Variants in SGIP1 observed in about 807,000 individuals in gnomAD.
SGIP1 encodes the protein SH3-containing GRB2-like protein 3-interacting protein 1.
SGIP1 carries 38 observed loss-of-function variants against 107.5 expected under a neutral mutation model. The observed-to-expected ratio is 0.35, with a 90% CI of 0.27 to 0.46. The LOEUF is 0.46. Among genes scored for constraint, SGIP1 ranks in the 20% least tolerant of loss-of-function variants. The pLI, the probability that SGIP1 is intolerant of heterozygous loss-of-function variation, is 1.00. For synonymous variants in SGIP1, 365 were observed against 366.1 expected (o/e 1.00, Z 0.03); for missense variants, 929 against 1,019.5 (o/e 0.91, Z 1.21).
At chr1:66,617,081 G>T (rs768582150) in intron 1 of SGIP1, among the ~76,000 whole-genome samples, 31 of 152,190 alleles carry the variant, frequency 2.0e-4, no homozygotes, top group Non-Finnish European at 3.1e-4. Context: ...TTTAAGTCAA[G>T]TAGAAATGTA....
At chr1:66,702,418 T>C (rs2092025401) in intron 18 of SGIP1, among the ~76,000 whole-genome samples, 1 of 152,246 alleles carries the variant, frequency 6.6e-6, no homozygotes, top group South Asian at 2.1e-4. Context: ...GTCTCTGTTC[T>C]ATCATTTTTA....
At chr1:66,639,522 C>A (rs1488707974) in intron 4 of SGIP1, among the ~76,000 whole-genome samples, 1 of 152,170 alleles carries the variant, frequency 6.6e-6, no homozygotes, top group Non-Finnish European at 1.5e-5. Flanking sequence ...AACAGTTCAT[C>A]GTTAATATCC....
At chr1:66,680,885 G>T (rs1232990515) in intron 14 of SGIP1, among the ~76,000 whole-genome samples, 1 of 152,176 alleles carries the variant, frequency 6.6e-6, no homozygotes, top group African/African-American at 2.4e-5. Context: ...GTAGCAATTT[G>T]TAATGTGAAT....
chr1:66,672,064 C>T (rs563764564), intron 11 of SGIP1, 69 bp downstream of exon 11: 2 of 1,446,292 alleles, frequency 1.4e-6, no homozygotes, highest in South Asian at 2.4e-5. Flanking sequence ...AAGCAAATCT[C>T]CTTTGAGCTA....
At chr1:66,538,573 T>C (rs1451976520) in intron 1 of SGIP1, among the ~76,000 whole-genome samples, 2 of 152,326 alleles carry the variant, frequency 1.3e-5, no homozygotes, top group African/African-American at 4.8e-5. Context: ...ACATACACTA[T>C]CCATGTTTCA....
At chr1:66,696,587 G>C (rs945018080) in intron 18 of SGIP1, among the ~76,000 whole-genome samples, 1 of 152,166 alleles carries the variant, frequency 6.6e-6, no homozygotes. Flanking sequence ...TTGCAAGATA[G>C]TCATAGAGAT....
chr1:66,727,760 A>G (rs1281686224), intron 19 of SGIP1, among the ~76,000 whole-genome samples: 1 of 152,192 alleles, frequency 6.6e-6, no homozygotes. Flanking sequence ...TGTGCAGTGA[A>G]AGAAACAAAA....
At chr1:66,647,390 C>G (rs533789044) in intron 7 of SGIP1, among the ~76,000 whole-genome samples, 2 of 152,284 alleles carry the variant, frequency 1.3e-5, no homozygotes, top group African/African-American at 4.8e-5. Context: ...CACATGGACA[C>G]ATTCACTGCA....
chr1:66,572,936 T>G (rs1411786626), intron 1 of SGIP1, among the ~76,000 whole-genome samples: 2 of 152,090 alleles, frequency 1.3e-5, no homozygotes, highest in Non-Finnish European at 2.9e-5. Flanking sequence ...AAATATTGTG[T>G]CAAGTGAAAG....
At chr1:66,667,742 TA>T (rs1370942484) in intron 9 of SGIP1, among the ~76,000 whole-genome samples, 1 of 152,172 alleles carries the variant, frequency 6.6e-6, no homozygotes, top group African/African-American at 2.4e-5. Context: ...TTCCCATAAG[TA>T]ACTAAATTAA....
chr1:66,680,819 G>A (rs528814652), intron 14 of SGIP1, among the ~76,000 whole-genome samples: 1 of 152,266 alleles, frequency 6.6e-6, no homozygotes, highest in African/African-American at 2.4e-5. Context: ...GGCTCATATA[G>A]CCCAAGAGTT....
At chr1:66,630,404 G>C (rs145960481) in intron 2 of SGIP1, among the ~76,000 whole-genome samples, 1 of 152,218 alleles carries the variant, frequency 6.6e-6, no homozygotes, top group East Asian at 1.9e-4. Context: ...CCCAAAAGTT[G>C]ATGCAATCAC....
chr1:66,692,577 C>A (rs1366403725), intron 17 of SGIP1, among the ~76,000 whole-genome samples: 2 of 152,146 alleles, frequency 1.3e-5, no homozygotes, highest in Non-Finnish European at 1.5e-5. Flanking sequence ...CTGTTCAACA[C>A]CAAAGGGCCT....
chr1:66,608,938 G>GT (rs1401037724), intron 1 of SGIP1, among the ~76,000 whole-genome samples: 9 of 144,098 alleles, frequency 6.2e-5, no homozygotes, highest in Non-Finnish European at 1.1e-4. Context: ...TTTAGTCGAG[G>GT]TTTTTTTTCT....
chr1:66,736,796 A>C (rs192558368), intron 21 of SGIP1, among the ~76,000 whole-genome samples: 1 of 152,030 alleles, frequency 6.6e-6, no homozygotes, highest in Admixed American at 6.6e-5. Flanking sequence ...ACTTTGTATA[A>C]GTTTCTCAAG....
intron 12 of SGIP1, among the ~76,000 whole-genome samples, chr1:66,675,133 CACCT>C (rs781376854): frequency 3.3e-5 from 5 of 152,178 alleles, no homozygotes; most frequent in Non-Finnish European, 7.4e-5. Context: ...TGATTTGTTG[CACCT>C]ACATCTGCCC....
At chr1:66,622,441 C>T (rs2071394039) in intron 1 of SGIP1, among the ~76,000 whole-genome samples, 1 of 152,166 alleles carries the variant, frequency 6.6e-6, no homozygotes, top group Non-Finnish European at 1.5e-5. Context: ...TCATCGATTT[C>T]CACATCTGTT....
At chr1:66,690,347 T>G in intron 17 of SGIP1, 31 bp downstream of exon 17, 3 of 1,612,744 alleles carry the variant, frequency 1.9e-6, no homozygotes, top group Non-Finnish European at 2.5e-6. Context: ...TTTAATCCGT[T>G]TGTGGTTTTG....
intron 1 of SGIP1, among the ~76,000 whole-genome samples, chr1:66,599,263 G>A (rs1332137301): frequency 2.0e-5 from 3 of 152,028 alleles, no homozygotes; most frequent in Admixed American, 6.6e-5. Flanking sequence ...TCTGTCCTAG[G>A]GCATAGGGGA....
Sources: allele counts gnomAD v4.1 joint callset (sites outside exome capture counted in the v4.1 genomes callset), GRCh38; gene constraint gnomAD v4.1.1; transcripts MANE v1.5; gene names NCBI Gene and HGNC (gene_info 2026-07-23, HGNC 2026-07-21).